PALS2: variants seen among roughly 807,000 people sequenced by gnomAD.
PALS2 encodes protein associated with LIN7 2, MAGUK p55 family member.
A neutral mutation model predicts 61.6 loss-of-function variants in PALS2; 27 were observed. That is an observed-to-expected ratio of 0.44 (90% CI 0.32 to 0.60). PALS2 has a LOEUF of 0.60. PALS2 is among the 20% of genes least tolerant of loss of function. The pLI is 0.05. For missense variants in PALS2, 554 were observed against 639.4 expected (o/e 0.87, Z 1.44); for synonymous variants, 236 against 218.6 (o/e 1.08, Z -0.70).
At chr7:24,577,458 A>G (rs1782681322) in intron 1 of PALS2, among the ~76,000 whole-genome samples, 1 of 152,106 alleles carries the variant, frequency 6.6e-6, no homozygotes, top group Non-Finnish European at 1.5e-5. Flanking sequence ...ATATTTCATA[A>G]AGCTCAAGTT....
intron 2 of PALS2, among the ~76,000 whole-genome samples, chr7:24,625,422 GA>G (rs1271814445): frequency 2.6e-5 from 4 of 152,110 alleles, no homozygotes; most frequent in Non-Finnish European, 2.9e-5. Context: ...ACAACTTTAT[GA>G]ATTTAAAATA....
chr7:24,607,637 ATG>A (rs1271677784), intron 1 of PALS2, among the ~76,000 whole-genome samples: 1 of 150,122 alleles, frequency 6.7e-6, no homozygotes, highest in Non-Finnish European at 1.5e-5. Context: ...ATATACATAT[ATG>A]TATGTATATG....
Position 24,690,192 on chromosome 7 carries a change from C to T in PALS2, c.*2578C>T, listed in dbSNP as rs540348520. ...ACAGTTAGATAAGTTCATTGTATCTCAATGAAGAATCATTGAACTTGAAAC... is the reference window on the plus strand; with the variant it reads ...ACAGTTAGATAAGTTCATTGTATCTTAATGAAGAATCATTGAACTTGAAAC... On this transcript the variant is annotated 3_prime_UTR_variant, in exon 12 of 12. Transcript: ENST00000222644. 4.3e-4 allele frequency: 65 copies of T among 152,264 alleles called. No homozygotes were observed. The highest frequency in any genetic ancestry group is 3.4e-3 in the Middle Eastern group (1 of 292). 9.4% of individuals were successfully genotyped at this position (152,264 alleles called of 1,614,324 possible).
intron 5 of PALS2, among the ~76,000 whole-genome samples, chr7:24,651,511 C>T (rs548863874): frequency 1.3e-5 from 2 of 152,296 alleles, no homozygotes; most frequent in African/African-American, 4.8e-5. Context: ...TCATGTAATG[C>T]TCTCACAGCA....
intron 8 of PALS2, 49 bp downstream of exon 8, chr7:24,666,138 C>A: frequency 1.3e-6 from 2 of 1,490,904 alleles, no homozygotes; most frequent in South Asian, 1.2e-5. Context: ...AGCTATATGT[C>A]ATTTAGTGTG....
At position 24,639,367 on chromosome 7, in the gene PALS2, G is replaced by A. The variant is rs150165572; in HGVS notation, c.118-2349G>A. ...CACCTTTTTTTGCATCAGTTTCTTC[G>A]TCCATAGTGTGAGTATAATATACCT... On this transcript the variant is annotated intron_variant, in intron 2 of 11. Coordinates refer to ENST00000222644, the MANE Select transcript of PALS2 (RefSeq NM_001303037.2). Among the ~76,000 whole-genome samples, 270 of 150,918 alleles carry A rather than the reference G, an allele frequency of 1.8e-3. 2 individuals carry two copies. The highest frequency in any genetic ancestry group is 6.4e-3 in the African/African-American group (260 of 40,904).
chr7:24,629,449 C>T (rs1358347937), intron 2 of PALS2, among the ~76,000 whole-genome samples: 2 of 152,184 alleles, frequency 1.3e-5, no homozygotes, highest in African/African-American at 4.8e-5. Context: ...ATGATTAAAA[C>T]ACCAAATGCA....
chr7:24,653,563 T>C (rs560518444), intron 5 of PALS2, among the ~76,000 whole-genome samples: 1 of 152,224 alleles, frequency 6.6e-6, no homozygotes, highest in African/African-American at 2.4e-5. Flanking sequence ...GTTTTCATTA[T>C]AAAATGAAAA....
intron 1 of PALS2, among the ~76,000 whole-genome samples, chr7:24,623,198 C>A (rs1383605312): frequency 7.0e-6 from 1 of 143,542 alleles, no homozygotes; most frequent in Non-Finnish European, 1.5e-5. Context: ...TCCTTCTCTT[C>A]CGTTTTTTTT....
chr7:24,606,136 C>G (rs1372370857), intron 1 of PALS2, among the ~76,000 whole-genome samples: 1 of 152,108 alleles, frequency 6.6e-6, no homozygotes, highest in Non-Finnish European at 1.5e-5. Flanking sequence ...ATAACTTTAA[C>G]AGGTGCATTT....
At chr7:24,639,231 C>G (rs997114251) in intron 2 of PALS2, among the ~76,000 whole-genome samples, 3 of 152,128 alleles carry the variant, frequency 2.0e-5, no homozygotes, top group South Asian at 2.1e-4. Context: ...TAGAGTGGCT[C>G]TCTATATAAA....
At position 24,688,515 on chromosome 7, in the gene PALS2, G is replaced by A. The variant is rs1405471503; in HGVS notation, c.*901G>A. On this transcript the variant is annotated 3_prime_UTR_variant, in exon 12 of 12. Coordinates refer to ENST00000222644, the MANE Select transcript of PALS2 (RefSeq NM_001303037.2). Reference sequence around the variant, plus strand: ...TAAACAATGGTTTTATTAGAACATGGTCAGCAAATGTATCATGCCTCTGCA... The same window carrying A: ...TAAACAATGGTTTTATTAGAACATGATCAGCAAATGTATCATGCCTCTGCA... 6.6e-6 allele frequency: 1 copy of A among 152,030 alleles called. No individual in the cohort carries two copies. The highest frequency in any genetic ancestry group is 6.6e-5 in the Admixed American group (1 of 15,258). The allele number at this position is 152,030 out of a possible 1,614,324, so 9.4% of individuals were successfully genotyped here.
chr7:24,625,227 GTTT>G (rs1274869598), intron 2 of PALS2, among the ~76,000 whole-genome samples: 8 of 151,948 alleles, frequency 5.3e-5, no homozygotes, highest in South Asian at 2.1e-4. Flanking sequence ...TTTTAAAATG[GTTT>G]TTTACTCTTT....
At chr7:24,619,717 C>CAAA (rs11366774) in intron 1 of PALS2, among the ~76,000 whole-genome samples, 1 of 101,956 alleles carries the variant, frequency 9.8e-6, no homozygotes, top group Admixed American at 9.6e-5. Context: ...GACTCTGTCT[C>CAAA]AAAAAAAAAA....
intron 2 of PALS2, among the ~76,000 whole-genome samples, chr7:24,631,092 C>T (rs1784979932): frequency 6.6e-6 from 1 of 152,194 alleles, no homozygotes; most frequent in Admixed American, 6.5e-5. Context: ...TTCGATTCCT[C>T]TAATGGATCT....
chr7:24,599,771 C>G (rs1783652005), intron 1 of PALS2, among the ~76,000 whole-genome samples: 1 of 152,000 alleles, frequency 6.6e-6, no homozygotes, highest in Non-Finnish European at 1.5e-5. Context: ...TCCCAAAGTG[C>G]CGGGATTACA....
chr7:24,654,942 A>T (rs1343840619), intron 5 of PALS2, among the ~76,000 whole-genome samples: 1 of 152,198 alleles, frequency 6.6e-6, no homozygotes, highest in Non-Finnish European at 1.5e-5. Flanking sequence ...TGATGCAATG[A>T]ATGGGGGGAA....
At chr7:24,600,075 G>C (rs1396931557) in intron 1 of PALS2, among the ~76,000 whole-genome samples, 3 of 152,054 alleles carry the variant, frequency 2.0e-5, no homozygotes, top group Non-Finnish European at 4.4e-5. Context: ...TCAGAAATCT[G>C]TTCATGGTGG....
chr7:24,579,800 C>T (rs1256177604), intron 1 of PALS2, among the ~76,000 whole-genome samples: 1 of 152,064 alleles, frequency 6.6e-6, no homozygotes, highest in African/African-American at 2.4e-5. Flanking sequence ...GATAAATCTA[C>T]TTAGAATATT....
Sources: gnomAD v4.1 joint callset for allele counts (sites outside exome capture counted in the v4.1 genomes callset) on GRCh38, gnomAD v4.1.1 for gene constraint, MANE v1.5 for transcripts, NCBI Gene and HGNC (gene_info 2026-07-23, HGNC 2026-07-21) for gene names.